AP1G1: variants seen among roughly 807,000 people sequenced by gnomAD.
AP1G1 encodes AP-1 complex subunit gamma-1.
AP1G1 carries 7 observed loss-of-function variants against 108.3 expected under a neutral mutation model. The observed-to-expected ratio is 0.06, with a 90% CI of 0.04 to 0.12. AP1G1 has a LOEUF of 0.12. AP1G1 is among the 10% of genes least tolerant of loss of function. The pLI, the probability that AP1G1 is intolerant of heterozygous loss-of-function variation, is 1.00. For missense variants in AP1G1, 756 were observed against 1,010.7 expected (o/e 0.75, Z 3.42); for synonymous variants, 379 against 353.5 (o/e 1.07, Z -0.81).
Position 71,789,427 on chromosome 16 carries a change from C to T in AP1G1, c.53G>A (p.Arg18Gln). The T allele has an allele frequency of 1.2e-6, 2 of 1,614,120 alleles. No homozygotes were observed. The highest frequency in any genetic ancestry group is 8.5e-7 in the Non-Finnish European group (1 of 1,180,030). Reference sequence around the variant, plus strand: ...CATTTCTCGTTCTTCAGCTTGGGTTCGGGCTGTCCGGATGGTCCGGATCAG... The same window carrying T: ...CATTTCTCGTTCTTCAGCTTGGGTTTGGGCTGTCCGGATGGTCCGGATCAG... ...RELIRTIRTA[R>Q]TQAEEREMIQ... Residue 18 changes from arginine to glutamine, a missense_variant, in exon 2 of 23, where the codon CGA becomes CAA. Physicochemically the swap from Arg to Gln is conservative, Grantham distance 43. Transcript: ENST00000299980.
intron 11 of AP1G1, among the ~76,000 whole-genome samples, chr16:71,756,565 A>ATT (rs1248804812): frequency 2.0e-5 from 3 of 152,318 alleles, no homozygotes; most frequent in African/African-American, 7.2e-5. Flanking sequence ...AAGTCACCAT[A>ATT]TTCTACTTTT....
chr16:71,781,640 T>C (rs2032021752), intron 2 of AP1G1, among the ~76,000 whole-genome samples: 1 of 152,210 alleles, frequency 6.6e-6, no homozygotes, highest in Admixed American at 6.5e-5. Context: ...TCAACAGCTT[T>C]GAGTATTACT....
intron 1 of AP1G1, among the ~76,000 whole-genome samples, chr16:71,793,892 A>AG (rs2032490867): frequency 6.6e-6 from 1 of 151,764 alleles, no homozygotes; most frequent in Non-Finnish European, 1.5e-5. Context: ...TGATTTTTGT[A>AG]TTTTTTTTAG....
Position 71,739,009 on chromosome 16 carries a change from G to T in AP1G1, c.2201C>A (p.Thr734Lys). The part of the protein sequence containing the change: ...SNTNPSVTVI[T>K]IQASNSTELD... Reference sequence around the variant, plus strand: ...CTCTGTGCTGTTGGAGGCCTGTATCGTTATCACTGTTACACTGGGGTTGGT... The same window carrying T: ...CTCTGTGCTGTTGGAGGCCTGTATCTTTATCACTGTTACACTGGGGTTGGT... Residue 734 changes from threonine to lysine, a missense_variant, in exon 21 of 23, where the codon ACG becomes AAG. Physicochemically the swap from Thr to Lys is moderately conservative, Grantham distance 78. This residue lies in a region of AP1G1 where 95 missense variants were observed against 160.5 expected (regional missense o/e 0.59). Coordinates refer to ENST00000299980, the MANE Select transcript of AP1G1 (RefSeq NM_001128.6). The T allele has an allele frequency of 6.2e-7, 1 of 1,614,112 alleles. No individual in the cohort carries two copies. Among genetic ancestry groups the T allele is most frequent in the Non-Finnish European group, 8.5e-7 (1 of 1,179,998 alleles).
intron 14 of AP1G1, 82 bp downstream of exon 14, chr16:71,750,128 A>AG (rs2030407347): frequency 1.4e-5 from 21 of 1,545,206 alleles, no homozygotes; most frequent in Admixed American, 3.5e-5. Flanking sequence ...GGGAGAGAGG[A>AG]GGGGGGAAAA....
chr16:71,750,165 T>G (rs772732482), intron 14 of AP1G1, 45 bp downstream of exon 14: 1 of 1,600,264 alleles, frequency 6.2e-7, no homozygotes, highest in Admixed American at 1.7e-5. Context: ...ACCAGAAAAA[T>G]TGAGGGTAAA....
intron 11 of AP1G1, chr16:71,756,393 G>C: frequency 2.6e-6 from 1 of 385,452 alleles, no homozygotes; most frequent in East Asian, 4.2e-5. Context: ...AAGTCCCTAC[G>C]AGATATACCA....
At position 71,730,855 on chromosome 16, in the gene AP1G1, C is replaced by A. The variant is rs1198142234; in HGVS notation, c.*2203G>T. The A allele has an allele frequency of 6.6e-6, 1 of 152,596 alleles. No individual in the cohort carries two copies. Among genetic ancestry groups the A allele is most frequent in the East Asian group, 1.9e-4 (1 of 5,204 alleles). 9.5% of individuals were successfully genotyped at this position (152,596 alleles called of 1,614,324 possible). On this transcript the variant is annotated 3_prime_UTR_variant, in exon 23 of 23. Transcript: ENST00000299980. ...GAAACTATGATCACCCAAGGAAATG[C>A]TCTGTCAGCAGAGTAGACCCTTCCC... is the stretch of plus-strand genomic sequence containing the variant.
chr16:71,748,292 A>G lies in AP1G1; in HGVS notation c.1584T>C (p.Thr528=). The G allele has an allele frequency of 6.2e-7, 1 of 1,614,088 alleles. No homozygotes were observed. The highest frequency in any genetic ancestry group is 8.5e-7 in the Non-Finnish European group (1 of 1,179,978). Residue 528 remains threonine (T), a synonymous_variant, in exon 16 of 23, where the codon ACT becomes ACC. Coordinates refer to ENST00000299980, the MANE Select transcript of AP1G1 (RefSeq NM_001128.6). Reference sequence around the variant, plus strand: ...ATCGAGTGGAAAGCTTCATAATGGCAGTGAGGGCATAACCTCGTGTCACAG... The same window carrying G: ...ATCGAGTGGAAAGCTTCATAATGGCGGTGAGGGCATAACCTCGTGTCACAG... ...STSVTRGYAL[T]AIMKLSTRFT...
intron 20 of AP1G1, 64 bp from the exon 21 acceptor site, chr16:71,739,166 C>G: frequency 6.2e-7 from 1 of 1,609,972 alleles, no homozygotes; most frequent in Non-Finnish European, 8.5e-7. Flanking sequence ...ATTATTACTT[C>G]TTTTTCTTAA....
At chr16:71,748,726 T>C (rs1300286963) in intron 15 of AP1G1, among the ~76,000 whole-genome samples, 1 of 152,170 alleles carries the variant, frequency 6.6e-6, no homozygotes, top group Non-Finnish European at 1.5e-5. Context: ...TTTTCCCTTT[T>C]AAAGCCAGTC....
chr16:71,771,250 T>C lies in AP1G1; in HGVS notation c.471A>G (p.Ala157=), dbSNP rs772736528. 3.9e-6 allele frequency: 6 copies of C among 1,540,096 alleles called. No homozygotes were observed. The highest frequency in any genetic ancestry group is 5.2e-6 in the Non-Finnish European group (6 of 1,146,254). Residue 157 remains alanine, a splice_region_variant and synonymous_variant, in exon 5 of 23, where the codon GCA becomes GCG. Coordinates refer to ENST00000299980, the MANE Select transcript of AP1G1 (RefSeq NM_001128.6). ...KTSNSYLRKK[A]ALCAVHVIRK... ...TGATGACATGAACAGCACACAGTGC[T>C]GCCTATGAAAAAAAAAATAAAAGAA...
intron 1 of AP1G1, among the ~76,000 whole-genome samples, chr16:71,795,544 A>G (rs1207812341): frequency 6.6e-6 from 1 of 152,206 alleles, no homozygotes; most frequent in South Asian, 2.1e-4. Flanking sequence ...CATTCTCCAG[A>G]TGGCCTATAT....
rs2045469790 is a variant in AP1G1 at position 71,730,938 on chromosome 16, T to G, written c.*2120A>C. ...GTCTTGAACAGATTTCTTCAGAGAT[T>G]CAACCCAGTTCAAATAAAAAAACCT... On this transcript the variant is annotated 3_prime_UTR_variant, in exon 23 of 23. Coordinates refer to ENST00000299980, the MANE Select transcript of AP1G1 (RefSeq NM_001128.6). The G allele has an allele frequency of 6.6e-6, 1 of 152,310 alleles. No individual in the cohort carries two copies. Among genetic ancestry groups the G allele is most frequent in the Admixed American group, 6.5e-5 (1 of 15,278 alleles). The allele number at this position is 152,310 out of a possible 1,614,324, so 9.4% of individuals were successfully genotyped here.
At chr16:71,796,132 G>A (rs773846630) in intron 1 of AP1G1, among the ~76,000 whole-genome samples, 15 of 152,210 alleles carry the variant, frequency 9.9e-5, no homozygotes, top group African/African-American at 2.2e-4. Context: ...CTAGCTATTC[G>A]GGAGGCTGAT....
At chr16:71,778,761 T>C (rs890701634) in intron 2 of AP1G1, among the ~76,000 whole-genome samples, 1 of 150,298 alleles carries the variant, frequency 6.7e-6, no homozygotes, top group East Asian at 1.9e-4. Context: ...AGATAAAGGT[T>C]TGGGGGGAAA....
chr16:71,750,860 T>C (rs748096986), intron 13 of AP1G1, among the ~76,000 whole-genome samples: 43 of 152,076 alleles, frequency 2.8e-4, no homozygotes, highest in Non-Finnish European at 5.7e-4. Context: ...TTTAAAAATT[T>C]TCTCTTTGTC....
chr16:71,779,407 G>A (rs974905146), intron 2 of AP1G1, among the ~76,000 whole-genome samples: 8 of 151,894 alleles, frequency 5.3e-5, no homozygotes, highest in African/African-American at 1.7e-4. Context: ...GTGCTATCTC[G>A]GCTCAACACA....
intron 13 of AP1G1, among the ~76,000 whole-genome samples, chr16:71,752,441 A>G (rs1255353532): frequency 1.3e-5 from 2 of 152,192 alleles, no homozygotes; most frequent in African/African-American, 2.4e-5. Flanking sequence ...ACATATACAT[A>G]TAAGTCATAA....
Sources: allele counts gnomAD v4.1 joint callset (sites outside exome capture counted in the v4.1 genomes callset), GRCh38; gene constraint gnomAD v4.1.1; regional missense constraint gnomAD v4.1.1; transcripts MANE v1.5; gene names NCBI Gene and HGNC (gene_info 2026-07-23, HGNC 2026-07-21).